CGN: variants seen among roughly 807,000 people sequenced by gnomAD.
CGN encodes the protein cingulin.
CGN carries 121 observed loss-of-function variants against 157.1 expected under a neutral mutation model. The observed-to-expected ratio is 0.77, with a 90% CI of 0.66 to 0.90. The LOEUF (loss-of-function observed/expected upper bound fraction) is 0.90, where lower values mean the gene tolerates loss of function less well. CGN is among the 40% of genes least tolerant of loss of function. The pLI is 0.00. For synonymous variants in CGN, 535 were observed against 607.5 expected, an observed-to-expected ratio of 0.88 and a Z score of 1.76; for missense variants, 1,424 against 1,520.9, an observed-to-expected ratio of 0.94 and a Z score of 1.06.
chr1:151,530,229 C>G (rs1664803049), intron 12 of CGN, 114 bp downstream of exon 12: 5 of 1,179,544 alleles, frequency 4.2e-6, no homozygotes, highest in Non-Finnish European at 6.0e-6. Context: ...TTTTGCCTCC[C>G]CAAACCTGCT....
chr1:151,520,158 T>C lies in CGN; in HGVS notation c.874-8T>C. ...TCTTTTTTTTTTCTTTTTCTTTTTT[T>C]TTAACAGTTCAAATCAACTCCAGAC... On this transcript the variant is annotated splice_region_variant and splice_polypyrimidine_tract_variant and intron_variant, in intron 2 of 20. Coordinates refer to ENST00000271636, the MANE Select transcript of CGN (RefSeq NM_020770.3). The C allele has an allele frequency of 6.3e-7, 1 of 1,590,490 alleles. No homozygotes were observed. Among genetic ancestry groups the C allele is most frequent in the East Asian group, 2.2e-5 (1 of 44,774 alleles).
chr1:151,518,406 G>T (rs1362719005), intron 1 of CGN, 100 bp from the exon 2 acceptor site: 6 of 1,000,960 alleles, frequency 6.0e-6, no homozygotes, highest in Admixed American at 5.3e-5. Context: ...AGAATCAGTG[G>T]TTTATCTAGT....
chr1:151,515,921 T>G (rs1664399822), intron 1 of CGN, among the ~76,000 whole-genome samples: 1 of 152,198 alleles, frequency 6.6e-6, no homozygotes, highest in Non-Finnish European at 1.5e-5. Context: ...ACAAGCCTTT[T>G]AAGATGGGGT....
At chr1:151,518,056 G>A (rs1293896683) in intron 1 of CGN, among the ~76,000 whole-genome samples, 2 of 151,746 alleles carry the variant, frequency 1.3e-5, no homozygotes, top group African/African-American at 2.4e-5. Flanking sequence ...CATGTTGCCC[G>A]GACTGGTCTT....
intron 9 of CGN, among the ~76,000 whole-genome samples, chr1:151,526,439 C>T (rs563573994): frequency 2.0e-5 from 3 of 150,894 alleles, no homozygotes; most frequent in South Asian, 4.2e-4. Context: ...CCCCCCAAAA[C>T]GCTGGGATTA....
Position 151,525,678 on chromosome 1 carries a change from T to A in CGN, c.1651T>A (p.Ser551Thr). ...AVLEAERQKM[S>T]ALVRGLQREL... is the part of the protein sequence containing the mutation. ...GCTGGAGGCCGAGAGGCAGAAGATG[T>A]CAGCCCTTGTGCGAGGGCTGCAGAG... The change falls in exon 9 of 21, where the codon TCA becomes ACA. Residue 551 changes from serine to threonine, a missense_variant. Ser to Thr is a moderately conservative substitution (Grantham distance 58). Transcript: ENST00000271636. The A allele has an allele frequency of 6.2e-7, 1 of 1,610,602 alleles. No individual in the cohort carries two copies. The highest frequency in any genetic ancestry group is 8.5e-7 in the Non-Finnish European group (1 of 1,178,264).
At chr1:151,536,987 A>G (rs549415580) in intron 20 of CGN, 94 bp downstream of exon 20, 1 of 1,392,292 alleles carries the variant, frequency 7.2e-7, no homozygotes, top group Admixed American at 2.3e-5. Flanking sequence ...AATCTCTAAC[A>G]TGGTACTGTG....
At chr1:151,535,202 C>A in intron 16 of CGN, 71 bp downstream of exon 16, 1 of 1,146,362 alleles carries the variant, frequency 8.7e-7, no homozygotes, top group Non-Finnish European at 1.3e-6. Flanking sequence ...AAAAACAACT[C>A]TACCCTCCCA....
intron 1 of CGN, among the ~76,000 whole-genome samples, chr1:151,512,308 C>T (rs1390527765): frequency 1.3e-5 from 2 of 152,060 alleles, no homozygotes; most frequent in Non-Finnish European, 2.9e-5. Context: ...TTTCTGGGGG[C>T]GGATGTCAAA....
chr1:151,525,033 T>C (rs1664639751), intron 8 of CGN, 147 bp downstream of exon 8: 1 of 710,944 alleles, frequency 1.4e-6, no homozygotes, highest in East Asian at 2.7e-5. Context: ...GCTGAAAACC[T>C]TGGGCAGGAA....
intron 16 of CGN, 83 bp from the exon 17 acceptor site, chr1:151,535,517 C>G: frequency 8.9e-7 from 1 of 1,119,782 alleles, no homozygotes; most frequent in East Asian, 2.4e-5. Context: ...GACCATCCTC[C>G]CATGACTCAG....
At chr1:151,520,325 T>C (rs1317470864) in intron 3 of CGN, 59 bp downstream of exon 3, 18 of 1,571,324 alleles carry the variant, frequency 1.1e-5, no homozygotes, top group Non-Finnish European at 1.3e-5. Context: ...CTTCTAGCTT[T>C]GTTTCCCATC....
chr1:151,532,075 GT>G (rs1402129894), intron 13 of CGN, among the ~76,000 whole-genome samples: 5 of 152,158 alleles, frequency 3.3e-5, no homozygotes, highest in Non-Finnish European at 5.9e-5. Flanking sequence ...AGGCACTGTT[GT>G]AAGTACAGAA....
intron 15 of CGN, chr1:151,534,837 G>GGC (rs1664920472): frequency 1.9e-6 from 1 of 538,834 alleles, no homozygotes; most frequent in Non-Finnish European, 3.3e-6. Flanking sequence ...ACCAGAGCAT[G>GGC]GCCCCGACCT....
Position 151,530,603 on chromosome 1 carries a change from G to A in CGN, c.2428G>A (p.Ala810Thr), listed in dbSNP as rs776246233. 43 of 1,611,178 alleles carry A rather than the reference G, an allele frequency of 2.7e-5. No homozygotes were observed. The Admixed American group carries it at 5.2e-4, about 20-fold the overall frequency. The stretch of plus-strand genomic sequence containing the variant: ...CCTAGAGGAGGCTCAGCGGGGGCTG[G>A]CCCGCCTGGGGCAGGAGCAGCAGAC... The part of the protein sequence containing the change: ...ARLEEAQRGL[A>T]RLGQEQQTLN... Residue 810 changes from alanine (A) to threonine (T), a missense_variant, in exon 13 of 21, where the codon GCC (alanine) becomes ACC (threonine). Around this residue, in one of 3 missense-constraint regions of CGN, gnomAD observed 1,187 missense variants for 1,217.6 expected, o/e 0.97. Transcript: ENST00000271636.
chr1:151,533,973 A>G lies in CGN; in HGVS notation c.2743-2A>G, dbSNP rs1186152403. The G allele has an allele frequency of 3.7e-6, 6 of 1,605,122 alleles. No homozygotes were observed. Among genetic ancestry groups the G allele is most frequent in the Middle Eastern group, 2.0e-4 (1 of 5,038 alleles). The stretch of plus-strand genomic sequence containing the variant: ...GCTGTGGCATTTTTACCCCCTGCCC[A>G]GATCCAGAGGCTGCGGCAGGCCCTG... On this transcript the variant is annotated splice_acceptor_variant, in intron 14 of 20. Coordinates refer to ENST00000271636, the MANE Select transcript of CGN (RefSeq NM_020770.3). LOFTEE classifies it high-confidence loss of function.
chr1:151,529,599 A>C, intron 11 of CGN, 40 bp downstream of exon 11: 1 of 1,570,202 alleles, frequency 6.4e-7, no homozygotes, highest in South Asian at 1.1e-5. Context: ...GTGGAGGCTG[A>C]GGGTGTCTGG....
upstream of CGN, chr1:151,510,378 G>T (rs9661205): frequency 0.97 from 147,268 of 152,302 alleles, 71,424 homozygotes; most frequent in East Asian, 1. Context: ...CAACGTAAAC[G>T]AAGTCAATCT....
chr1:151,516,140 T>C (rs1446156034), intron 1 of CGN, among the ~76,000 whole-genome samples: 2 of 152,230 alleles, frequency 1.3e-5, no homozygotes, highest in African/African-American at 2.4e-5. Context: ...CCTGTAGCTC[T>C]GCCTCTCCCA....
Sources: allele counts gnomAD v4.1 joint callset (sites outside exome capture counted in the v4.1 genomes callset), GRCh38; gene constraint gnomAD v4.1.1; regional missense constraint gnomAD v4.1.1; transcripts MANE v1.5; gene names NCBI Gene and HGNC (gene_info 2026-07-23, HGNC 2026-07-21).